RPS6KC1: variants seen among roughly 807,000 people sequenced by gnomAD.
RPS6KC1 encodes inactive ribosomal protein S6 kinase delta-1.
A neutral mutation model predicts 103.8 loss-of-function variants in RPS6KC1; 54 were observed. That is an observed-to-expected ratio of 0.52 (90% CI 0.42 to 0.65). The LOEUF (loss-of-function observed/expected upper bound fraction) is 0.65. Ranked by LOEUF, RPS6KC1 falls within the 30% of genes least tolerant of loss-of-function variation. The pLI is 0.00. For missense variants in RPS6KC1, 1,151 were observed against 1,253.8 expected (o/e 0.92, Z 1.24); for synonymous variants, 439 against 438.7 (o/e 1.00, Z -0.01).
chr1:213,860,425 C>G, the RPS6KC1 span, among the ~76,000 whole-genome samples: 1 of 151,322 alleles, frequency 6.6e-6, no homozygotes, highest in Non-Finnish European at 1.5e-5. Flanking sequence ...ATACCTATAG[C>G]AGAAGTGAGA....
chr1:213,211,288 T>G (rs763777642), intron 8 of RPS6KC1, among the ~76,000 whole-genome samples: 1 of 152,230 alleles, frequency 6.6e-6, no homozygotes, highest in Non-Finnish European at 1.5e-5. Flanking sequence ...AACCAGAACT[T>G]TAGAGTTTTA....
At chr1:213,075,909 T>C (rs1274481386) in intron 2 of RPS6KC1, among the ~76,000 whole-genome samples, 1 of 152,198 alleles carries the variant, frequency 6.6e-6, no homozygotes. Context: ...GTAGTACTTT[T>C]TGTGAAGCCT....
the RPS6KC1 span, among the ~76,000 whole-genome samples, chr1:213,626,306 A>G: frequency 6.6e-6 from 1 of 152,030 alleles, no homozygotes; most frequent in Non-Finnish European, 1.5e-5. Flanking sequence ...GTTTGAGTTC[A>G]TTGTAGATTC....
the RPS6KC1 span, among the ~76,000 whole-genome samples, chr1:213,548,026 G>A: frequency 1.1e-4 from 16 of 152,310 alleles, no homozygotes; most frequent in African/African-American, 3.1e-4. Context: ...CAAAAAAGTA[G>A]AATTAGTCCT....
At chr1:213,121,493 G>A (rs925392430) in intron 5 of RPS6KC1, among the ~76,000 whole-genome samples, 15 of 152,146 alleles carry the variant, frequency 9.9e-5, no homozygotes, top group Non-Finnish European at 1.8e-4. Flanking sequence ...GTAATTGGTT[G>A]CTAACATCTT....
the RPS6KC1 span, among the ~76,000 whole-genome samples, chr1:213,615,524 G>T: frequency 6.6e-6 from 1 of 152,256 alleles, no homozygotes; most frequent in East Asian, 1.9e-4. Context: ...CAGGCTGGTT[G>T]TGGCTGAGGC....
the RPS6KC1 span, among the ~76,000 whole-genome samples, chr1:213,817,303 A>G: frequency 2.6e-5 from 4 of 152,342 alleles, no homozygotes; most frequent in South Asian, 8.3e-4. Context: ...AGGCAGGGCC[A>G]TTCAGAGGCC....
At chr1:213,528,013 G>C in the RPS6KC1 span, among the ~76,000 whole-genome samples, 5 of 152,154 alleles carry the variant, frequency 3.3e-5, no homozygotes, top group Non-Finnish European at 7.3e-5. Context: ...CATTGAGTAG[G>C]CTGAGGAGGA....
intron 6 of RPS6KC1, among the ~76,000 whole-genome samples, chr1:213,162,854 ACT>A (rs1312103140): frequency 2.6e-5 from 4 of 152,170 alleles, no homozygotes; most frequent in Non-Finnish European, 4.4e-5. Flanking sequence ...TTCTTTGGTG[ACT>A]CTCTGAATTT....
At chr1:213,115,328 A>G (rs950461373) in intron 4 of RPS6KC1, among the ~76,000 whole-genome samples, 4 of 152,072 alleles carry the variant, frequency 2.6e-5, no homozygotes, top group African/African-American at 9.7e-5. Flanking sequence ...TAGATTTTCT[A>G]GTTTATTTGC....
chr1:213,249,034 C>T (rs995549988), intron 12 of RPS6KC1, among the ~76,000 whole-genome samples: 24 of 152,156 alleles, frequency 1.6e-4, no homozygotes, highest in Non-Finnish European at 3.1e-4. Context: ...TTACCCCAAA[C>T]CTTTTTTCTT....
At chr1:213,678,872 C>T in the RPS6KC1 span, among the ~76,000 whole-genome samples, 4 of 152,156 alleles carry the variant, frequency 2.6e-5, no homozygotes, top group Non-Finnish European at 4.4e-5. Context: ...GCAAGTTGTC[C>T]TACCTCTCTG....
the RPS6KC1 span, among the ~76,000 whole-genome samples, chr1:213,645,089 G>C: frequency 1.3e-5 from 2 of 152,148 alleles, no homozygotes; most frequent in African/African-American, 2.4e-5. Context: ...GGAGGTTGTA[G>C]ACTCATCCTA....
chr1:213,326,608 C>T, the RPS6KC1 span, among the ~76,000 whole-genome samples: 4 of 152,210 alleles, frequency 2.6e-5, no homozygotes, highest in Non-Finnish European at 5.9e-5. Context: ...GTTTCCTCTT[C>T]AGGATTTTCA....
At chr1:213,361,567 CA>C in the RPS6KC1 span, among the ~76,000 whole-genome samples, 1 of 152,250 alleles carries the variant, frequency 6.6e-6, no homozygotes, top group Non-Finnish European at 1.5e-5. Flanking sequence ...CACTGTCCAA[CA>C]AGCCCCAGTG....
the RPS6KC1 span, among the ~76,000 whole-genome samples, chr1:213,389,345 C>T: frequency 6.6e-6 from 1 of 152,162 alleles, no homozygotes; most frequent in Non-Finnish European, 1.5e-5. Flanking sequence ...CTGCAGAGAT[C>T]GACAGGACGG....
chr1:213,349,180 CCTTT>C, the RPS6KC1 span, among the ~76,000 whole-genome samples: 1 of 151,882 alleles, frequency 6.6e-6, no homozygotes, highest in Non-Finnish European at 1.5e-5. Flanking sequence ...ATGTTTTTTT[CCTTT>C]CTAAGTAAAG....
intron 4 of RPS6KC1, among the ~76,000 whole-genome samples, chr1:213,115,342 G>A (rs2083466755): frequency 6.6e-6 from 1 of 152,118 alleles, no homozygotes; most frequent in Non-Finnish European, 1.5e-5. Context: ...TATTTGCATA[G>A]AGGTGTCTGT....
the RPS6KC1 span, among the ~76,000 whole-genome samples, chr1:213,297,155 C>G: frequency 1.3e-5 from 2 of 152,162 alleles, no homozygotes; most frequent in African/African-American, 2.4e-5. Flanking sequence ...ACCACACCTC[C>G]TTAAGCTTCC....
Sources: allele counts gnomAD v4.1 joint callset (sites outside exome capture counted in the v4.1 genomes callset), GRCh38; gene constraint gnomAD v4.1.1; transcripts MANE v1.5; gene names NCBI Gene and HGNC (gene_info 2026-07-23, HGNC 2026-07-21).